Variants in CNTNAP2 observed in about 807,000 individuals in gnomAD.
CNTNAP2 encodes contactin associated protein 2, also known as contactin-associated protein-like 2.
Under a neutral mutation model 155.2 loss-of-function variants are expected in CNTNAP2, and 98 were observed. That is an observed-to-expected ratio of 0.63 (90% CI 0.54 to 0.75). CNTNAP2 has a LOEUF of 0.75. Ranked by LOEUF, CNTNAP2 falls within the 30% of genes least tolerant of loss-of-function variation. CNTNAP2 has a pLI of 0.00. For missense variants in CNTNAP2, 1,727 were observed against 1,688.1 expected (o/e 1.02, Z -0.40); for synonymous variants, 651 against 631.2 (o/e 1.03, Z -0.47).
intron 9 of CNTNAP2, among the ~76,000 whole-genome samples, chr7:147,350,165 G>A (rs866182006): frequency 2.0e-4 from 31 of 151,886 alleles, no homozygotes; most frequent in Admixed American, 9.2e-4. Context: ...GAATTTACAC[G>A]TTTGTTATTT....
intron 10 of CNTNAP2, among the ~76,000 whole-genome samples, chr7:147,484,794 T>A (rs546057814): frequency 3.3e-5 from 5 of 152,340 alleles, no homozygotes; most frequent in African/African-American, 1.2e-4. Context: ...GGCATTATGA[T>A]AAAGGGGTGG....
intron 5 of CNTNAP2, among the ~76,000 whole-genome samples, chr7:147,118,029 C>T (rs563847924): frequency 3.5e-4 from 53 of 152,134 alleles, no homozygotes; most frequent in African/African-American, 1.2e-3. Context: ...AATTATACCA[C>T]TGCATAATAA....
At chr7:146,938,017 C>T (rs1796960132) in intron 3 of CNTNAP2, among the ~76,000 whole-genome samples, 1 of 152,112 alleles carries the variant, frequency 6.6e-6, no homozygotes. Context: ...ACATTCCACC[C>T]TGAAGATGTA....
At chr7:146,541,793 G>A (rs561438181) in intron 1 of CNTNAP2, among the ~76,000 whole-genome samples, 20 of 151,898 alleles carry the variant, frequency 1.3e-4, no homozygotes, top group Non-Finnish European at 2.2e-4. Flanking sequence ...TGTCATAAAG[G>A]CAATAGGAAT....
At position 146,869,404 on chromosome 7, in the gene CNTNAP2, G is replaced by A. The variant is rs146629754; in HGVS notation, c.402+29500G>A. 5.9e-3 allele frequency among the ~76,000 whole-genome samples: 898 copies of A among 152,214 alleles called. 5 individuals are homozygous for A. The highest frequency in any genetic ancestry group is 0.01 in the Non-Finnish European group (687 of 68,008). On this transcript the variant is annotated intron_variant, in intron 3 of 23. Coordinates refer to ENST00000361727, the MANE Select transcript of CNTNAP2 (RefSeq NM_014141.6). ...TCATGGTAGATTCGCTTTTTGATGT[G>A]CTGCTGGTCTCAGTTTTGTATTAGT...
chr7:146,693,499 A>G (rs1800731944), intron 1 of CNTNAP2, among the ~76,000 whole-genome samples: 1 of 152,148 alleles, frequency 6.6e-6, no homozygotes, highest in South Asian at 2.1e-4. Context: ...AGACATTAAT[A>G]GTAAAATAAG....
intron 13 of CNTNAP2, among the ~76,000 whole-genome samples, chr7:147,863,237 C>A (rs369308529): frequency 6.6e-6 from 1 of 152,038 alleles, no homozygotes; most frequent in Non-Finnish European, 1.5e-5. Flanking sequence ...AGCTTCTCCA[C>A]GGCCCTGCAA....
intron 3 of CNTNAP2, among the ~76,000 whole-genome samples, chr7:146,976,481 T>C (rs954200577): frequency 6.6e-6 from 1 of 152,284 alleles, no homozygotes; most frequent in South Asian, 2.1e-4. Flanking sequence ...TTGGGTTTGA[T>C]TAATTTGCTA....
At chr7:146,276,044 T>G (rs1800158092) in intron 1 of CNTNAP2, among the ~76,000 whole-genome samples, 1 of 152,160 alleles carries the variant, frequency 6.6e-6, no homozygotes, top group Non-Finnish European at 1.5e-5. Context: ...AAAATGTCAG[T>G]GGCACCAGAG....
chr7:148,039,162 G>A (rs917698537), intron 15 of CNTNAP2, among the ~76,000 whole-genome samples: 2 of 152,160 alleles, frequency 1.3e-5, no homozygotes, highest in African/African-American at 2.4e-5. Flanking sequence ...TCAGAACCGG[G>A]AAAATTATTG....
intron 13 of CNTNAP2, among the ~76,000 whole-genome samples, chr7:147,859,422 C>CAA: frequency 7.7e-6 from 1 of 130,136 alleles, no homozygotes; most frequent in Non-Finnish European, 1.7e-5. Context: ...AGATCAAGAC[C>CAA]AAAAAAAAAA....
At chr7:148,176,671 A>G (rs1254155913) in intron 18 of CNTNAP2, among the ~76,000 whole-genome samples, 1 of 152,206 alleles carries the variant, frequency 6.6e-6, no homozygotes. Flanking sequence ...CCCTACAACT[A>G]GACCATGCAG....
At position 147,343,877 on chromosome 7, in the gene CNTNAP2, C is replaced by A. The variant is rs983078869; in HGVS notation, c.1498+43587C>A. ...CTACAGACCACAATTTCAAACTGTC[C>A]TTCTAAAGTGACCAGATTTAAAGAT... On this transcript the variant is annotated intron_variant, in intron 9 of 23. Coordinates refer to ENST00000361727, the MANE Select transcript of CNTNAP2 (RefSeq NM_014141.6). Among the ~76,000 whole-genome samples, 4 of 152,200 alleles carry A rather than the reference C, an allele frequency of 2.6e-5. No homozygotes were observed. The East Asian group carries it at 7.7e-4, about 29-fold the overall frequency.
chr7:147,920,412 T>C (rs1313834892), intron 14 of CNTNAP2, among the ~76,000 whole-genome samples: 1 of 148,382 alleles, frequency 6.7e-6, no homozygotes, highest in Non-Finnish European at 1.5e-5. Context: ...GCTAACACCC[T>C]GTTTCCCTGC....
intron 12 of CNTNAP2, among the ~76,000 whole-genome samples, chr7:147,623,636 A>G (rs1255604744): frequency 2.6e-5 from 4 of 152,148 alleles, no homozygotes; most frequent in African/African-American, 7.2e-5. Context: ...TTTCATATTC[A>G]TGAATTGAAA....
At chr7:147,268,765 T>C (rs1201667231) in intron 8 of CNTNAP2, among the ~76,000 whole-genome samples, 2 of 152,198 alleles carry the variant, frequency 1.3e-5, no homozygotes, top group Non-Finnish European at 2.9e-5. Flanking sequence ...ATTTAAACTA[T>C]ACAGTCCAAA....
intron 3 of CNTNAP2, among the ~76,000 whole-genome samples, chr7:146,921,306 G>C (rs1340995341): frequency 6.6e-6 from 1 of 152,122 alleles, no homozygotes; most frequent in Non-Finnish European, 1.5e-5. Flanking sequence ...TAATGAAAAG[G>C]AAAAACAATG....
intron 8 of CNTNAP2, among the ~76,000 whole-genome samples, chr7:147,269,773 G>T (rs1804698338): frequency 6.6e-6 from 1 of 152,138 alleles, no homozygotes; most frequent in South Asian, 2.1e-4. Flanking sequence ...GACAAGACTA[G>T]CTTGTTACAA....
chr7:147,318,447 T>C (rs560631791), intron 9 of CNTNAP2, among the ~76,000 whole-genome samples: 127 of 152,286 alleles, frequency 8.3e-4, no homozygotes, highest in Middle Eastern at 3.4e-3. Flanking sequence ...TTTGTTTGTT[T>C]TTTTAAAGAC....
Sources: gnomAD v4.1 joint callset for allele counts (sites outside exome capture counted in the v4.1 genomes callset) on GRCh38, gnomAD v4.1.1 for gene constraint, MANE v1.5 for transcripts, NCBI Gene and HGNC (gene_info 2026-07-23, HGNC 2026-07-21) for gene names.